ERBB2: variants seen among roughly 807,000 people sequenced by gnomAD.
The protein encoded by ERBB2 is receptor tyrosine-protein kinase erbB-2.
Under a neutral mutation model 149.0 loss-of-function variants are expected in ERBB2, and 61 were observed. The observed-to-expected ratio is 0.41, with a 90% CI of 0.33 to 0.51. The LOEUF (loss-of-function observed/expected upper bound fraction) is 0.51. Ranked by LOEUF, ERBB2 falls within the 20% of genes least tolerant of loss-of-function variation. The probability of loss-of-function intolerance (pLI) is 0.25; values close to 1 mark genes in which losing one functional copy is unlikely to be tolerated. For missense variants in ERBB2, 1,205 were observed against 1,655.1 expected, an observed-to-expected ratio of 0.73 and a Z score of 4.72; for synonymous variants, 633 against 678.8, an observed-to-expected ratio of 0.93 and a Z score of 1.05.
At chr17:39,711,739 A>C (rs1294122554) in intron 7 of ERBB2, among the ~76,000 whole-genome samples, 189 bp from the exon 8 acceptor site, 1 of 152,152 alleles carries the variant, frequency 6.6e-6, no homozygotes, top group Non-Finnish European at 1.5e-5. Context: ...CCTTTTTGCA[A>C]AATGGGAATC....
chr17:39,708,360 A>G lies in ERBB2; in HGVS notation c.265A>G (p.Asn89Asp). 2 of 1,614,166 alleles carry G rather than the reference A, an allele frequency of 1.2e-6. No individual in the cohort carries two copies. The highest frequency in any genetic ancestry group is 1.7e-6 in the Non-Finnish European group (2 of 1,180,024). The change falls in exon 3 of 27, where the codon AAC becomes GAC. Residue 89 changes from asparagine to aspartate, a missense_variant. By Grantham distance (23) the Asn-to-Asp change is conservative. Coordinates refer to ENST00000269571, the MANE Select transcript of ERBB2 (RefSeq NM_004448.4). ...EVQGYVLIAHNQVRQVPLQRL... is the reference protein window; with the variant it reads ...EVQGYVLIAHDQVRQVPLQRL... ...GCAGGGCTACGTGCTCATCGCTCAC[A>G]ACCAAGTGAGGCAGGTCCCACTGCA...
Position 39,724,797 on chromosome 17 carries a change from G to A in ERBB2, c.2379G>A (p.Thr793=), listed in dbSNP as rs186232310. The A allele has an allele frequency of 8.7e-5, 141 of 1,614,168 alleles. 1 individual carries two copies. The East Asian group carries it at 2.8e-3, about 32-fold the overall frequency. ...SRLLGICLTS[T]VQLVTQLMPY... ...TTCTGGGCATCTGCCTGACATCCAC[G>A]GTGCAGCTGGTGACACAGCTTATGC... Residue 793 remains threonine, a synonymous_variant, in exon 20 of 27, where the codon ACG becomes ACA. Transcript: ENST00000269571.
At chr17:39,703,728 A>G (rs1310980737) in intron 1 of ERBB2, among the ~76,000 whole-genome samples, 2 of 152,238 alleles carry the variant, frequency 1.3e-5, no homozygotes, top group Non-Finnish European at 2.9e-5. Flanking sequence ...TAGGGTTCTC[A>G]ACTAAAGACC....
At chr17:39,699,143 G>A (rs966040243), upstream of ERBB2, among the ~76,000 whole-genome samples, 10 of 151,970 alleles carry the variant, frequency 6.6e-5, no homozygotes, top group Non-Finnish European at 1.5e-4. Context: ...AGCAAGAAGG[G>A]TGCATTTTGA....
chr17:39,700,631 C>T (rs1200728712), intron 1 of ERBB2, among the ~76,000 whole-genome samples: 3 of 152,192 alleles, frequency 2.0e-5, no homozygotes, highest in East Asian at 3.9e-4. Context: ...GTAGAGCGCG[C>T]GCGCGCGTTT....
At chr17:39,692,618 T>C (rs1008468308), upstream of ERBB2, among the ~76,000 whole-genome samples, 1 of 151,738 alleles carries the variant, frequency 6.6e-6, no homozygotes, top group Non-Finnish European at 1.5e-5. Context: ...TTGGTCAGGC[T>C]GGTCTTGAAC....
At position 39,708,304 on chromosome 17, in the gene ERBB2, C is replaced by T. The variant is rs780571262; in HGVS notation, c.226-17C>T. 1 of 1,607,260 alleles carries T rather than the reference C, an allele frequency of 6.2e-7. No homozygotes were observed. The highest frequency in any genetic ancestry group is 8.5e-7 in the Non-Finnish European group (1 of 1,174,480). On this transcript the variant is annotated splice_polypyrimidine_tract_variant and intron_variant, in intron 2 of 26. Transcript: ENST00000269571. ...GCAGTGTTCCTATTTCAGCCCCACTCTGCTTCCCCCTCCCAGGATATCCAG... is the reference window on the plus strand; with the variant it reads ...GCAGTGTTCCTATTTCAGCCCCACTTTGCTTCCCCCTCCCAGGATATCCAG...
At chr17:39,688,391 G>C (rs1026088206) in intron 1 of ERBB2, 1 of 184,470 alleles carries the variant, frequency 5.4e-6, no homozygotes, top group Admixed American at 6.2e-5. Context: ...ACACCATCAT[G>C]TGTCGCCAAG....
upstream of ERBB2, among the ~76,000 whole-genome samples, chr17:39,696,275 G>A (rs374118893): frequency 2.0e-5 from 3 of 152,008 alleles, no homozygotes; most frequent in South Asian, 6.2e-4. Flanking sequence ...CCCCTCTCGA[G>A]CCTCCTCCCC....
chr17:39,694,335 G>GTA (rs2057812790), upstream of ERBB2, among the ~76,000 whole-genome samples: 1 of 122,806 alleles, frequency 8.1e-6, no homozygotes, highest in Admixed American at 9.1e-5. Context: ...ATATATATGT[G>GTA]TATATATAAA....
rs755536204 is a variant in ERBB2, at chr17:39,727,888, C to T, written c.3612C>T (p.Ala1204=). The T allele has an allele frequency of 1.2e-6, 2 of 1,614,112 alleles. No homozygotes were observed. Among genetic ancestry groups the T allele is most frequent in the Admixed American group, 3.3e-5 (2 of 60,012 alleles). Residue 1204 remains alanine (A), a synonymous_variant, in exon 27 of 27, where the codon GCC becomes GCT. Coordinates refer to ENST00000269571, the MANE Select transcript of ERBB2 (RefSeq NM_004448.4). This position sits in a 1 kb window ranked among gnomAD's most constrained non-coding sequence, Gnocchi z 4.3. ...ACTTGACACCCCAGGGAGGAGCTGCCCCTCAGCCCCACCCTCCTCCTGCCT... is the reference window on the plus strand; with the variant it reads ...ACTTGACACCCCAGGGAGGAGCTGCTCCTCAGCCCCACCCTCCTCCTGCCT... ...PEYLTPQGGA[A]PQPHPPPAFS...
chr17:39,723,362 G>T lies in ERBB2; in HGVS notation c.1990G>T (p.Val664Phe), dbSNP rs2059553817. 2 of 1,614,058 alleles carry T rather than the reference G, an allele frequency of 1.2e-6. No individual in the cohort carries two copies. Among genetic ancestry groups the T allele is most frequent in the East Asian group, 4.5e-5 (2 of 44,872 alleles). Residue 664 changes from valine (V) to phenylalanine (F), a missense_variant, in exon 17 of 27, where the codon GTC (valine) becomes TTC (phenylalanine). Physicochemically the swap from Val to Phe is conservative, Grantham distance 50 (BLOSUM62 -1). Coordinates refer to ENST00000269571, the MANE Select transcript of ERBB2 (RefSeq NM_004448.4). This position sits in a 1 kb window ranked among gnomAD's most constrained non-coding sequence, Gnocchi z 6.2. ...CTCTGCGGTGGTTGGCATTCTGCTG[G>T]TCGTGGTCTTGGGGGTGGTCTTTGG... is the stretch of plus-strand genomic sequence containing the variant. ...IISAVVGILLVVVLGVVFGIL... is the reference protein window; with the variant it reads ...IISAVVGILLFVVLGVVFGIL...
rs1427836687 is a variant in ERBB2, at chr17:39,707,072, CT to C, written c.157del (p.Cys53AlafsTer39). 1 of 1,607,622 alleles carries C rather than the reference CT, an allele frequency of 6.2e-7. No homozygotes were observed. The highest frequency in any genetic ancestry group is 8.5e-7 in the Non-Finnish European group (1 of 1,177,158). On this transcript the variant is annotated frameshift_variant, in exon 2 of 27. Transcript: ENST00000269571. LOFTEE classifies it high-confidence loss of function. Reference sequence around the variant, plus strand: ...ACATGCTCCGCCACCTCTACCAGGGCTGCCAGGTGGTGCAGGGAAACCTGGA... The same window carrying C: ...ACATGCTCCGCCACCTCTACCAGGGCGCCAGGTGGTGCAGGGAAACCTGGA... ...LDMLRHLYQG[C>X]QVVQGNLELT... is the part of the protein sequence containing the mutation.
chr17:39,712,549 G>A (rs1009091203), intron 9 of ERBB2, 101 bp downstream of exon 9: 2 of 1,407,214 alleles, frequency 1.4e-6, no homozygotes, highest in Admixed American at 2.0e-5. Flanking sequence ...GACAGAAGTG[G>A]GGGGATCAAG....
upstream of ERBB2, among the ~76,000 whole-genome samples, chr17:39,693,506 A>G (rs879186427): frequency 1.3e-5 from 2 of 151,998 alleles, no homozygotes; most frequent in African/African-American, 2.4e-5. Flanking sequence ...TTTTGTGACA[A>G]GGTCTCCCTC....
At chr17:39,697,872 T>G (rs1218750918), upstream of ERBB2, among the ~76,000 whole-genome samples, 2 of 151,836 alleles carry the variant, frequency 1.3e-5, no homozygotes, top group African/African-American at 2.4e-5. Flanking sequence ...TTTTGTACTT[T>G]TAGTAGAGAT....
At chr17:39,704,099 C>G (rs757110025) in intron 1 of ERBB2, among the ~76,000 whole-genome samples, 1 of 152,134 alleles carries the variant, frequency 6.6e-6, no homozygotes. Context: ...TTCGGAGACT[C>G]GTGACTGGAC....
At chr17:39,706,684 T>G (rs539773624) in intron 1 of ERBB2, 2 of 277,738 alleles carry the variant, frequency 7.2e-6, no homozygotes, top group East Asian at 1.2e-4. Flanking sequence ...GAAGCCTTTC[T>G]TTGCCAGCCA....
At chr17:39,716,719 G>A (rs1342549922) in intron 14 of ERBB2, 114 bp downstream of exon 14, 1 of 964,878 alleles carries the variant, frequency 1.0e-6, no homozygotes, top group Admixed American at 2.0e-5. Flanking sequence ...AATATCCCTG[G>A]AGAGGGCTCA....
Sources: allele counts gnomAD v4.1 joint callset (sites outside exome capture counted in the v4.1 genomes callset), GRCh38; gene constraint gnomAD v4.1.1; non-coding constraint Gnocchi (gnomAD v3.1); transcripts MANE v1.5; gene names NCBI Gene and HGNC (gene_info 2026-07-23, HGNC 2026-07-21).